Variants in RIMBP2 observed in about 807,000 individuals in gnomAD.
The protein encoded by RIMBP2 is RIMS-binding protein 2.
Under a neutral mutation model 118.6 loss-of-function variants are expected in RIMBP2, and 48 were observed. That is an observed-to-expected ratio of 0.40 (90% CI 0.32 to 0.51). The LOEUF is 0.51. Among genes scored for constraint, RIMBP2 ranks in the 20% least tolerant of loss-of-function variants. The pLI, the probability that RIMBP2 is intolerant of heterozygous loss-of-function variation, is 0.41. For missense variants in RIMBP2, 1,551 were observed against 1,768.3 expected (o/e 0.88, Z 2.20); for synonymous variants, 762 against 742.9 (o/e 1.03, Z -0.42).
chr12:130,699,278 C>T (rs1175122702), intron 1 of RIMBP2, among the ~76,000 whole-genome samples: 8 of 152,204 alleles, frequency 5.3e-5, no homozygotes, highest in Non-Finnish European at 1.0e-4. Flanking sequence ...CACATGCACA[C>T]GTATGTCTAT....
chr12:130,494,510 G>C (rs896499635), intron 4 of RIMBP2, among the ~76,000 whole-genome samples: 2 of 151,992 alleles, frequency 1.3e-5, no homozygotes, highest in Non-Finnish European at 2.9e-5. Context: ...ATGGTGGCAG[G>C]CACCTGTAAT....
chr12:130,584,777 T>C (rs1566310784), intron 2 of RIMBP2, among the ~76,000 whole-genome samples: 1 of 142,698 alleles, frequency 7.0e-6, no homozygotes, highest in African/African-American at 2.8e-5. Context: ...CATCATCACC[T>C]TCATCACTAC....
Position 130,431,465 on chromosome 12 carries a change from G to C in RIMBP2, c.2254-3128C>G. On this transcript the variant is annotated intron_variant, in intron 14 of 22. Coordinates refer to ENST00000690449, the MANE Select transcript of RIMBP2 (RefSeq NM_001393629.1). This position sits in a 1 kb window ranked among gnomAD's most constrained non-coding sequence, Gnocchi z 4.0. ...GACGCCATCTGTATGATTAATGAAT[G>C]TATTCTTTGAATTGAATCAATATTT... 2 of 395,362 alleles carry C rather than the reference G, an allele frequency of 5.1e-6. No individual in the cohort carries two copies. Among genetic ancestry groups the C allele is most frequent in the South Asian group, 1.9e-5 (1 of 52,202 alleles). 24.5% of individuals were successfully genotyped at this position (395,362 alleles called of 1,614,324 possible).
intron 4 of RIMBP2, among the ~76,000 whole-genome samples, chr12:130,480,394 T>C (rs1281133317): frequency 6.6e-6 from 1 of 152,148 alleles, no homozygotes; most frequent in Non-Finnish European, 1.5e-5. Flanking sequence ...CCCCGATGTC[T>C]GCGGCCCCAC....
chr12:130,530,109 G>T (rs553390810), intron 2 of RIMBP2, among the ~76,000 whole-genome samples: 10 of 152,162 alleles, frequency 6.6e-5, no homozygotes, highest in Non-Finnish European at 1.0e-4. Context: ...ACTCTGGTGT[G>T]TAAGGACATC....
intron 4 of RIMBP2, among the ~76,000 whole-genome samples, chr12:130,495,920 T>G (rs1480110251): frequency 6.6e-6 from 1 of 152,226 alleles, no homozygotes; most frequent in Non-Finnish European, 1.5e-5. Context: ...AAATTTGAAC[T>G]CAGACTGGTC....
intron 2 of RIMBP2, among the ~76,000 whole-genome samples, chr12:130,607,620 G>A (rs533314133): frequency 4.6e-5 from 7 of 151,886 alleles, no homozygotes; most frequent in South Asian, 4.2e-4. Flanking sequence ...CATCCTCACC[G>A]GCGACTGTTT....
At chr12:130,714,513 T>TC (rs1950191093) in intron 1 of RIMBP2, among the ~76,000 whole-genome samples, 1 of 152,006 alleles carries the variant, frequency 6.6e-6, no homozygotes, top group Non-Finnish European at 1.5e-5. Context: ...CATCTTCCTG[T>TC]CTCCCGGGCA....
chr12:130,450,119 A>T lies in RIMBP2; in HGVS notation c.581+81T>A. The T allele has an allele frequency of 1.1e-6, 1 of 903,514 alleles. No homozygotes were observed. Among genetic ancestry groups the T allele is most frequent in the Non-Finnish European group, 1.8e-6 (1 of 567,594 alleles). The allele number at this position is 903,514 out of a possible 1,614,324, so 56.0% of individuals were successfully genotyped here. On this transcript the variant is annotated intron_variant, in intron 9 of 22. Coordinates refer to ENST00000690449, the MANE Select transcript of RIMBP2 (RefSeq NM_001393629.1). This position sits in a 1 kb window ranked among gnomAD's most constrained non-coding sequence, Gnocchi z 4.8. ...GTGCCCTGGGAGAAGGGAACTTCTC[A>T]GACCCCAGAGTGTTCCCAGACCCAA...
rs2064871578 is a variant in RIMBP2 at position 130,683,008 on chromosome 12, CTA to C, written c.-352+33212_-352+33213del. On this transcript the variant is annotated intron_variant, in intron 1 of 22. Coordinates refer to ENST00000690449, the MANE Select transcript of RIMBP2 (RefSeq NM_001393629.1). This position sits in a 1 kb window ranked among gnomAD's most constrained non-coding sequence, Gnocchi z 4.4. ...GTTGTCTAATTATGTCGGAGGCGCA[CTA>C]TGTCTCATTCTTTTATCTTTAAGGT... 6.6e-6 allele frequency among the ~76,000 whole-genome samples: 1 copy of C among 152,172 alleles called. No homozygotes were observed. Among genetic ancestry groups the C allele is most frequent in the South Asian group, 2.1e-4 (1 of 4,822 alleles).
At chr12:130,645,946 G>C (rs529239086) in intron 1 of RIMBP2, among the ~76,000 whole-genome samples, 15 of 152,182 alleles carry the variant, frequency 9.9e-5, no homozygotes, top group Non-Finnish European at 1.8e-4. Flanking sequence ...AGCTTTGTTT[G>C]CACTCCTATG....
intron 2 of RIMBP2, among the ~76,000 whole-genome samples, chr12:130,601,105 G>A (rs2059851038): frequency 6.6e-6 from 1 of 152,138 alleles, no homozygotes; most frequent in Admixed American, 6.5e-5. Context: ...CTTGTCAGGA[G>A]AGCAAGCATG....
At chr12:130,680,155 A>G (rs2064709756) in intron 1 of RIMBP2, among the ~76,000 whole-genome samples, 1 of 152,274 alleles carries the variant, frequency 6.6e-6, no homozygotes, top group South Asian at 2.1e-4. Flanking sequence ...TATTGGTGGG[A>G]GAGAAAACTA....
chr12:130,464,722 C>T (rs2080305560), intron 6 of RIMBP2, among the ~76,000 whole-genome samples: 1 of 152,232 alleles, frequency 6.6e-6, no homozygotes, highest in Admixed American at 6.5e-5. Flanking sequence ...GGCAGTAGGA[C>T]CCACCCAGGT....
chr12:130,437,119 G>T lies in RIMBP2; in HGVS notation c.1829C>A (p.Pro610Gln). Residue 610 changes from proline (P) to glutamine (Q), a missense_variant, in exon 13 of 23, where the codon CCG becomes CAG. Pro to Gln is a moderately conservative substitution (Grantham distance 76). This residue lies in a region of RIMBP2 where 1,038 missense variants were observed against 1,125.1 expected (regional missense o/e 0.92). Coordinates refer to ENST00000690449, the MANE Select transcript of RIMBP2 (RefSeq NM_001393629.1). The stretch of plus-strand genomic sequence containing the variant: ...TGGCTTTGATTGGGGTGCAGGTCTC[G>T]GGTGGGGGGTAGGAGGCACCAGGAG... ...PELLVPPTPH[P>Q]RPAPQSKPLA... 1 of 1,583,406 alleles carries T rather than the reference G, an allele frequency of 6.3e-7. No individual in the cohort carries two copies. Among genetic ancestry groups the T allele is most frequent in the Non-Finnish European group, 8.6e-7 (1 of 1,163,290 alleles).
At chr12:130,653,457 A>T (rs2895137) in intron 1 of RIMBP2, among the ~76,000 whole-genome samples, 1 of 152,082 alleles carries the variant, frequency 6.6e-6, no homozygotes, top group Non-Finnish European at 1.5e-5. Context: ...TGCAGCTCCC[A>T]CGGCTGCTCT....
chr12:130,498,298 T>C (rs1319402178), intron 4 of RIMBP2, among the ~76,000 whole-genome samples: 1 of 152,254 alleles, frequency 6.6e-6, no homozygotes, highest in East Asian at 1.9e-4. Flanking sequence ...CGAGGCAATC[T>C]GTCAACCCCT....
At chr12:130,522,668 G>A (rs962476800) in intron 2 of RIMBP2, among the ~76,000 whole-genome samples, 4 of 152,170 alleles carry the variant, frequency 2.6e-5, no homozygotes, top group African/African-American at 9.7e-5. Context: ...GTGAGGGGAG[G>A]TGCAGGGAGC....
intron 13 of RIMBP2, among the ~76,000 whole-genome samples, chr12:130,435,091 G>A (rs933015819): frequency 6.6e-6 from 1 of 151,694 alleles, no homozygotes; most frequent in Non-Finnish European, 1.5e-5. Context: ...TGTCGCCCAG[G>A]CTGGAGTGCA....
Sources: allele counts gnomAD v4.1 joint callset (sites outside exome capture counted in the v4.1 genomes callset), GRCh38; gene constraint gnomAD v4.1.1; regional missense constraint gnomAD v4.1.1; non-coding constraint Gnocchi (gnomAD v3.1); transcripts MANE v1.5; gene names NCBI Gene and HGNC (gene_info 2026-07-23, HGNC 2026-07-21).